The following SYT1 variants were observed in gnomAD, a reference collection of about 807,000 sequenced individuals.
SYT1 encodes synaptotagmin-1.
Under a neutral mutation model 44.8 loss-of-function variants are expected in SYT1, and 8 were observed. That is an observed-to-expected ratio of 0.18 (90% CI 0.10 to 0.32). SYT1 has a LOEUF of 0.32. Ranked by LOEUF, SYT1 falls within the 10% of genes least tolerant of loss-of-function variation. The pLI is 1.00. For missense variants in SYT1, 286 were observed against 509.3 expected, an observed-to-expected ratio of 0.56 and a Z score of 4.22; for synonymous variants, 154 against 188.8, an observed-to-expected ratio of 0.82 and a Z score of 1.51.
intron 3 of SYT1, among the ~76,000 whole-genome samples, chr12:79,134,762 TG>T (rs531333594): frequency 5.9e-4 from 90 of 152,202 alleles, no homozygotes; most frequent in African/African-American, 2.0e-3. Flanking sequence ...AACACAGGGC[TG>T]GGCATTATGA....
At chr12:78,939,938 G>A (rs997726086) in intron 1 of SYT1, among the ~76,000 whole-genome samples, 28 of 152,106 alleles carry the variant, frequency 1.8e-4, no homozygotes, top group African/African-American at 6.0e-4. Flanking sequence ...AGTTTAGATT[G>A]GGTGCTACAT....
intron 9 of SYT1, among the ~76,000 whole-genome samples, chr12:79,407,205 T>C (rs933609558): frequency 1.6e-4 from 24 of 152,116 alleles, no homozygotes; most frequent in African/African-American, 5.8e-4. Flanking sequence ...GATGATCTGT[T>C]ACTTATGACT....
chr12:79,250,174 C>T (rs1328462341), intron 4 of SYT1, among the ~76,000 whole-genome samples: 1 of 152,020 alleles, frequency 6.6e-6, no homozygotes, highest in African/African-American at 2.4e-5. Flanking sequence ...ACAAAAAATA[C>T]CACTGCATAG....
chr12:78,938,612 A>G (rs1878191207), intron 1 of SYT1, among the ~76,000 whole-genome samples: 1 of 152,220 alleles, frequency 6.6e-6, no homozygotes, highest in African/African-American at 2.4e-5. Flanking sequence ...CATGCCAAGC[A>G]TACTAAATTA....
chr12:79,429,320 C>A (rs1024488587), intron 9 of SYT1, among the ~76,000 whole-genome samples: 2 of 152,060 alleles, frequency 1.3e-5, no homozygotes, highest in African/African-American at 4.8e-5. Context: ...GATTCTCCTG[C>A]CTCAGCCTCC....
intron 3 of SYT1, among the ~76,000 whole-genome samples, chr12:79,051,644 C>T (rs898720222): frequency 3.3e-5 from 5 of 151,984 alleles, no homozygotes; most frequent in African/African-American, 1.2e-4. Context: ...AACACTTAAG[C>T]AGTTATCTCA....
At chr12:79,300,895 G>A (rs1382988287) in intron 8 of SYT1, among the ~76,000 whole-genome samples, 1 of 140,512 alleles carries the variant, frequency 7.1e-6, no homozygotes, top group Non-Finnish European at 1.5e-5. Context: ...CCCTACTGTG[G>A]ATATTCAAGA....
chr12:79,244,210 C>T (rs926990844), intron 4 of SYT1, among the ~76,000 whole-genome samples: 1 of 152,128 alleles, frequency 6.6e-6, no homozygotes, highest in African/African-American at 2.4e-5. Context: ...TTAATTAATA[C>T]CTTCATCACT....
At chr12:79,222,426 G>T (rs1028222965) in intron 4 of SYT1, among the ~76,000 whole-genome samples, 3 of 139,510 alleles carry the variant, frequency 2.2e-5, no homozygotes, top group African/African-American at 8.1e-5. Context: ...TTGTTACCTA[G>T]ACTGAGGTGC....
At chr12:79,240,008 A>C (rs1376620606) in intron 4 of SYT1, among the ~76,000 whole-genome samples, 2 of 152,188 alleles carry the variant, frequency 1.3e-5, no homozygotes, top group Non-Finnish European at 2.9e-5. Flanking sequence ...ATTGAAATAC[A>C]ACCTATTTGG....
At chr12:79,263,144 T>G (rs1375491651) in intron 4 of SYT1, among the ~76,000 whole-genome samples, 1 of 152,176 alleles carries the variant, frequency 6.6e-6, no homozygotes, top group Non-Finnish European at 1.5e-5. Flanking sequence ...AATTGTTCAG[T>G]GCAATTAGTC....
At chr12:79,195,899 A>G (rs1322964992) in intron 3 of SYT1, among the ~76,000 whole-genome samples, 2 of 152,154 alleles carry the variant, frequency 1.3e-5, no homozygotes, top group African/African-American at 4.8e-5. Flanking sequence ...GTATCTATGG[A>G]TTTCTTACTG....
At chr12:79,172,781 T>C (rs148037644) in intron 3 of SYT1, among the ~76,000 whole-genome samples, 1 of 151,476 alleles carries the variant, frequency 6.6e-6, no homozygotes, top group Non-Finnish European at 1.5e-5. Context: ...CCTTATTTAT[T>C]TTACAGACTA....
intron 9 of SYT1, among the ~76,000 whole-genome samples, chr12:79,380,581 T>G (rs923776293): frequency 6.6e-6 from 1 of 151,776 alleles, no homozygotes; most frequent in Non-Finnish European, 1.5e-5. Flanking sequence ...TACATGGGGG[T>G]CTCACTATAT....
chr12:79,011,869 C>T (rs779606332), intron 2 of SYT1, among the ~76,000 whole-genome samples: 15 of 151,980 alleles, frequency 9.9e-5, no homozygotes, highest in Non-Finnish European at 1.9e-4. Context: ...TGGTGGCTCA[C>T]GCCTGTAATC....
intron 4 of SYT1, among the ~76,000 whole-genome samples, chr12:79,265,781 A>T (rs1382454143): frequency 6.6e-6 from 1 of 152,180 alleles, no homozygotes; most frequent in Non-Finnish European, 1.5e-5. Context: ...AAAGTGAAAA[A>T]AACTATAAAT....
At chr12:79,421,402 G>A (rs1031840003) in intron 9 of SYT1, among the ~76,000 whole-genome samples, 2 of 152,046 alleles carry the variant, frequency 1.3e-5, no homozygotes, top group Admixed American at 6.6e-5. Flanking sequence ...CTGTGCTTCT[G>A]AACTGTTTGA....
intron 3 of SYT1, among the ~76,000 whole-genome samples, chr12:79,201,321 T>C (rs1239873346): frequency 2.0e-5 from 3 of 152,194 alleles, no homozygotes; most frequent in African/African-American, 7.2e-5. Context: ...TATGATTTTA[T>C]TTAAAAGTTG....
At chr12:78,886,809 G>T (rs1003318127) in intron 1 of SYT1, among the ~76,000 whole-genome samples, 1 of 151,894 alleles carries the variant, frequency 6.6e-6, no homozygotes, top group Admixed American at 6.6e-5. Flanking sequence ...AAAGACAATG[G>T]ATATTTAAAT....
Sources: allele counts gnomAD v4.1 joint callset (sites outside exome capture counted in the v4.1 genomes callset), GRCh38; gene constraint gnomAD v4.1.1; transcripts MANE v1.5; gene names NCBI Gene and HGNC (gene_info 2026-07-23, HGNC 2026-07-21).